The following PSD3 variants were observed in gnomAD, a reference collection of about 807,000 sequenced individuals.
The protein encoded by PSD3 is pleckstrin and Sec7 domain containing 3, also known as PH and SEC7 domain-containing protein 3.
A neutral mutation model predicts 105.5 loss-of-function variants in PSD3; 49 were observed. The observed-to-expected ratio is 0.46, with a 90% CI of 0.37 to 0.59. The LOEUF is 0.59. PSD3 is among the 20% of genes least tolerant of loss of function. The probability of loss-of-function intolerance (pLI) is 0.00; values close to 1 mark genes in which losing one functional copy is unlikely to be tolerated. For synonymous variants in PSD3, 557 were observed against 457.8 expected, an observed-to-expected ratio of 1.22 and a Z score of -2.77; for missense variants, 1,561 against 1,263.8, an observed-to-expected ratio of 1.24 and a Z score of -3.57.
chr8:18,653,375 A>C (rs1425219706), intron 10 of PSD3, among the ~76,000 whole-genome samples: 1 of 152,078 alleles, frequency 6.6e-6, no homozygotes, highest in Non-Finnish European at 1.5e-5. Flanking sequence ...AAGACAAAAA[A>C]AAAAAGAAAT....
chr8:18,894,214 C>T (rs1041501975), intron 2 of PSD3, among the ~76,000 whole-genome samples: 11 of 152,194 alleles, frequency 7.2e-5, no homozygotes, highest in African/African-American at 2.7e-4. Context: ...TACATTTGTA[C>T]TCCCAGGCTT....
chr8:18,775,414 G>GA (rs1412788630), intron 8 of PSD3, among the ~76,000 whole-genome samples: 1 of 152,108 alleles, frequency 6.6e-6, no homozygotes, highest in Non-Finnish European at 1.5e-5. Context: ...TAGTTCTATA[G>GA]TTTTTCAATG....
At chr8:18,566,395 G>T (rs553158197) in intron 14 of PSD3, among the ~76,000 whole-genome samples, 8 of 151,758 alleles carry the variant, frequency 5.3e-5, no homozygotes, top group Admixed American at 1.3e-4. Flanking sequence ...GTATGGTGGC[G>T]GGCGCCTGTA....
At chr8:19,064,286 T>G (rs1828999713) in intron 1 of PSD3, among the ~76,000 whole-genome samples, 1 of 152,230 alleles carries the variant, frequency 6.6e-6, no homozygotes, top group South Asian at 2.1e-4. Context: ...TAGAGTAATA[T>G]TAGACATGAG....
intron 11 of PSD3, among the ~76,000 whole-genome samples, chr8:18,615,721 G>A (rs1293067047): frequency 6.6e-6 from 1 of 152,048 alleles, no homozygotes; most frequent in Non-Finnish European, 1.5e-5. Flanking sequence ...TTAAATCATC[G>A]CAGTCTATCT....
intron 10 of PSD3, among the ~76,000 whole-genome samples, chr8:18,643,135 G>C (rs1302065707): frequency 1.3e-5 from 2 of 152,142 alleles, no homozygotes; most frequent in Non-Finnish European, 2.9e-5. Context: ...AAAGTCAAGG[G>C]TCCTGAATCT....
chr8:18,855,021 C>T (rs1040703026), intron 4 of PSD3, among the ~76,000 whole-genome samples: 3 of 152,158 alleles, frequency 2.0e-5, no homozygotes, highest in Admixed American at 1.3e-4. Flanking sequence ...CACTGGAAGC[C>T]GTGGCCGCCA....
At chr8:19,000,939 A>G (rs1202069290) in intron 1 of PSD3, 1 of 151,926 alleles carries the variant, frequency 6.6e-6, no homozygotes, top group Non-Finnish European at 1.5e-5. Flanking sequence ...AAAGTGGGGC[A>G]TAAGTGGGGA....
intron 7 of PSD3, among the ~76,000 whole-genome samples, chr8:18,800,323 G>A (rs2129447256): frequency 6.6e-6 from 1 of 152,290 alleles, no homozygotes; most frequent in Non-Finnish European, 1.5e-5. Context: ...AATAGCATCA[G>A]TTTACCGATA....
intron 1 of PSD3, among the ~76,000 whole-genome samples, chr8:19,060,866 G>A (rs540080660): frequency 6.6e-6 from 1 of 152,334 alleles, no homozygotes; most frequent in East Asian, 1.9e-4. Flanking sequence ...TTTAAAACTG[G>A]CAAGTGGCTT....
At chr8:18,619,697 C>T (rs1215018767) in intron 11 of PSD3, among the ~76,000 whole-genome samples, 1 of 151,738 alleles carries the variant, frequency 6.6e-6, no homozygotes, top group African/African-American at 2.4e-5. Context: ...AAGGTGAAGT[C>T]ACACCCTAAC....
intron 9 of PSD3, among the ~76,000 whole-genome samples, chr8:18,662,306 A>C (rs1809405805): frequency 6.6e-6 from 1 of 152,190 alleles, no homozygotes; most frequent in Non-Finnish European, 1.5e-5. Flanking sequence ...GTACAGATGA[A>C]TCTGTTCTGT....
intron 4 of PSD3, among the ~76,000 whole-genome samples, chr8:18,819,744 A>G (rs1293634935): frequency 6.6e-6 from 1 of 151,928 alleles, no homozygotes; most frequent in Non-Finnish European, 1.5e-5. Context: ...ACGCCCAGCT[A>G]ATTTTTGTCT....
At chr8:19,064,473 G>T (rs1293340032) in intron 1 of PSD3, among the ~76,000 whole-genome samples, 1 of 152,066 alleles carries the variant, frequency 6.6e-6, no homozygotes, top group Non-Finnish European at 1.5e-5. Flanking sequence ...TCAAATGAGG[G>T]TCACTGGGGT....
intron 1 of PSD3, among the ~76,000 whole-genome samples, chr8:19,055,267 T>A (rs1828670166): frequency 6.6e-6 from 1 of 152,202 alleles, no homozygotes; most frequent in South Asian, 2.1e-4. Flanking sequence ...AGACTCTTTT[T>A]TTTTGGACAG....
chr8:18,605,994 T>A (rs1217234422), intron 11 of PSD3, among the ~76,000 whole-genome samples: 1 of 152,156 alleles, frequency 6.6e-6, no homozygotes, highest in Non-Finnish European at 1.5e-5. Context: ...TTATAAATTA[T>A]CCAGTCTCGG....
intron 14 of PSD3, among the ~76,000 whole-genome samples, chr8:18,561,269 T>C (rs572429103): frequency 6.6e-6 from 1 of 152,184 alleles, no homozygotes; most frequent in Admixed American, 6.5e-5. Flanking sequence ...GTGGTATATA[T>C]ACACAATGGA....
At position 18,751,142 on chromosome 8, in the gene PSD3, G is replaced by A. The variant is rs558487176; in HGVS notation, c.2172+14307C>T. On this transcript the variant is annotated intron_variant, in intron 9 of 15. Coordinates refer to ENST00000327040, the MANE Select transcript of PSD3 (RefSeq NM_015310.4). ...GGCCGCACAGGAACCCACGGAGGCG[G>A]GGAAGGCTCAGGCATGGCGGGCTGC... 7.9e-5 allele frequency among the ~76,000 whole-genome samples: 12 copies of A among 152,152 alleles called. 1 individual carries two copies. The highest frequency in any genetic ancestry group is 7.2e-4 in the Admixed American group (11 of 15,272).
At chr8:18,844,213 C>T (rs1159209247) in intron 4 of PSD3, among the ~76,000 whole-genome samples, 5 of 152,146 alleles carry the variant, frequency 3.3e-5, no homozygotes, top group African/African-American at 1.2e-4. Context: ...GATAATTAGT[C>T]TTCAAATACG....
Sources: allele counts gnomAD v4.1 joint callset (sites outside exome capture counted in the v4.1 genomes callset), GRCh38; gene constraint gnomAD v4.1.1; transcripts MANE v1.5; gene names NCBI Gene and HGNC (gene_info 2026-07-23, HGNC 2026-07-21).